The following MAML3 variants were observed in gnomAD, a reference collection of about 807,000 sequenced individuals.
The protein encoded by MAML3 is mastermind-like protein 3.
MAML3 carries 27 observed loss-of-function variants against 101.9 expected under a neutral mutation model. That is an observed-to-expected ratio of 0.27 (90% CI 0.20 to 0.37). MAML3 has a LOEUF of 0.37. MAML3 is among the 10% of genes least tolerant of loss of function. MAML3 has a pLI of 1.00. For missense variants in MAML3, 1,316 were observed against 1,444.9 expected, an observed-to-expected ratio of 0.91 and a Z score of 1.45; for synonymous variants, 501 against 555.9, an observed-to-expected ratio of 0.90 and a Z score of 1.39.
chr4:139,851,260 T>G (rs1274830413), intron 2 of MAML3, among the ~76,000 whole-genome samples: 1 of 152,204 alleles, frequency 6.6e-6, no homozygotes, highest in Admixed American at 6.5e-5. Flanking sequence ...AAAGGTGTTG[T>G]TTATCTATGG....
At chr4:139,941,559 G>T (rs1733597837) in intron 1 of MAML3, among the ~76,000 whole-genome samples, 1 of 152,062 alleles carries the variant, frequency 6.6e-6, no homozygotes. Flanking sequence ...TGGTGGTGGT[G>T]GTGGTGGTAT....
chr4:139,886,759 A>G (rs1186042961), intron 2 of MAML3, among the ~76,000 whole-genome samples: 1 of 152,208 alleles, frequency 6.6e-6, no homozygotes, highest in Non-Finnish European at 1.5e-5. Context: ...ATAATATGTA[A>G]ATTCTGAGAA....
intron 1 of MAML3, among the ~76,000 whole-genome samples, chr4:140,080,316 G>C (rs1727841830): frequency 6.6e-6 from 1 of 152,162 alleles, no homozygotes; most frequent in African/African-American, 2.4e-5. Context: ...TCACAGACAG[G>C]AGCTCTACTC....
chr4:139,727,336 A>C (rs535993386), intron 3 of MAML3, among the ~76,000 whole-genome samples: 2 of 152,368 alleles, frequency 1.3e-5, no homozygotes, highest in South Asian at 4.1e-4. Flanking sequence ...CAGCAATAGA[A>C]GGGCATTACT....
chr4:139,893,568 A>G (rs1732546035), intron 1 of MAML3, among the ~76,000 whole-genome samples: 1 of 152,176 alleles, frequency 6.6e-6, no homozygotes, highest in Non-Finnish European at 1.5e-5. Context: ...GGAATGAATC[A>G]TTCTATTGTC....
chr4:140,066,929 G>T (rs778258998), intron 1 of MAML3, among the ~76,000 whole-genome samples: 22 of 152,208 alleles, frequency 1.4e-4, no homozygotes, highest in Non-Finnish European at 2.6e-4. Context: ...GAATGAAAGG[G>T]ATTTTATACC....
chr4:139,830,084 A>T (rs912162250), intron 2 of MAML3, among the ~76,000 whole-genome samples: 39 of 152,188 alleles, frequency 2.6e-4, no homozygotes, highest in Non-Finnish European at 5.1e-4. Flanking sequence ...GTAGGAACAA[A>T]GTGGAGGTTA....
At chr4:140,080,413 C>G (rs184212354) in intron 1 of MAML3, among the ~76,000 whole-genome samples, 1 of 152,212 alleles carries the variant, frequency 6.6e-6, no homozygotes, top group Non-Finnish European at 1.5e-5. Flanking sequence ...ATGTTCCACA[C>G]CCACAGGGCA....
intron 2 of MAML3, among the ~76,000 whole-genome samples, chr4:139,799,417 A>T (rs960996868): frequency 2.0e-5 from 3 of 152,206 alleles, no homozygotes; most frequent in African/African-American, 7.2e-5. Context: ...AAACGACTGA[A>T]ATCAAAACAT....
At chr4:140,029,362 A>T (rs1307536522) in intron 1 of MAML3, among the ~76,000 whole-genome samples, 2 of 152,238 alleles carry the variant, frequency 1.3e-5, no homozygotes, top group Non-Finnish European at 2.9e-5. Context: ...ACCACAAACT[A>T]GGAGAAATGC....
chr4:139,820,789 A>G (rs1299982215), intron 2 of MAML3, among the ~76,000 whole-genome samples: 1 of 152,218 alleles, frequency 6.6e-6, no homozygotes, highest in African/African-American at 2.4e-5. Context: ...TTTTGGTCAT[A>G]AAGGTCTTTT....
At chr4:140,108,317 T>G (rs1728385825) in intron 1 of MAML3, among the ~76,000 whole-genome samples, 1 of 151,944 alleles carries the variant, frequency 6.6e-6, no homozygotes, top group Non-Finnish European at 1.5e-5. Flanking sequence ...TGCTTCGTGC[T>G]CCCCAGTACA....
At chr4:139,960,265 A>G (rs774040570) in intron 1 of MAML3, among the ~76,000 whole-genome samples, 1 of 152,232 alleles carries the variant, frequency 6.6e-6, no homozygotes, top group Non-Finnish European at 1.5e-5. Context: ...CATTGTGTCA[A>G]AGAAGGAATA....
intron 1 of MAML3, among the ~76,000 whole-genome samples, chr4:139,909,215 T>C (rs147642180): frequency 1.3e-5 from 2 of 152,286 alleles, no homozygotes; most frequent in African/African-American, 4.8e-5. Context: ...TGACCCCTAC[T>C]ATACCTCATG....
At position 140,091,550 on chromosome 4, in the gene MAML3, A is replaced by AC. The variant is rs1170160657; in HGVS notation, c.468+61309_468+61310insG. Among the ~76,000 whole-genome samples, 18 of 149,366 alleles carry AC rather than the reference A, an allele frequency of 1.2e-4. 2 individuals carry two copies. Among genetic ancestry groups the AC allele is most frequent in the African/African-American group, 4.4e-4 (18 of 40,796 alleles). On this transcript the variant is annotated intron_variant, in intron 1 of 4. Transcript: ENST00000509479. ...AAAACAACAAAACAAAAACAAAACAAAAAAAAAAAACAGGACCAAGGACCA... is the reference window on the plus strand; with the variant it reads ...AAAACAACAAAACAAAAACAAAACAACAAAAAAAAAACAGGACCAAGGACCA...
intron 1 of MAML3, among the ~76,000 whole-genome samples, chr4:140,038,964 A>C (rs1022503073): frequency 6.6e-6 from 1 of 151,930 alleles, no homozygotes; most frequent in Non-Finnish European, 1.5e-5. Flanking sequence ...CTAAAAATAC[A>C]AAAAATTAGC....
At chr4:140,133,573 A>G (rs1269353257) in intron 1 of MAML3, among the ~76,000 whole-genome samples, 3 of 152,018 alleles carry the variant, frequency 2.0e-5, no homozygotes, top group Non-Finnish European at 4.4e-5. Context: ...ATTATAATAC[A>G]AATCACATGG....
At chr4:140,049,667 C>T (rs538974681) in intron 1 of MAML3, among the ~76,000 whole-genome samples, 3 of 129,420 alleles carry the variant, frequency 2.3e-5, no homozygotes, top group Admixed American at 2.3e-4. Flanking sequence ...ATACATGTTG[C>T]CTTCCTTTTT....
intron 1 of MAML3, among the ~76,000 whole-genome samples, chr4:140,019,531 C>T (rs1043005438): frequency 6.6e-6 from 1 of 152,210 alleles, no homozygotes; most frequent in Non-Finnish European, 1.5e-5. Context: ...GGAAGATGGG[C>T]AGCTCCTCAT....
Sources: allele counts gnomAD v4.1 joint callset (sites outside exome capture counted in the v4.1 genomes callset), GRCh38; gene constraint gnomAD v4.1.1; transcripts MANE v1.5; gene names NCBI Gene and HGNC (gene_info 2026-07-23, HGNC 2026-07-21).